Variants in AGTPBP1 observed in about 807,000 individuals in gnomAD.
AGTPBP1 encodes the protein ATP/GTP binding carboxypeptidase 1.
AGTPBP1 carries 70 observed loss-of-function variants against 143.9 expected under a neutral mutation model. The observed-to-expected ratio is 0.49, with a 90% confidence interval of 0.40 to 0.59. The LOEUF is 0.59. Among genes scored for constraint, AGTPBP1 ranks in the 20% least tolerant of loss-of-function variants. The pLI, the probability that AGTPBP1 is intolerant of heterozygous loss-of-function variation, is 0.00. For synonymous variants in AGTPBP1, 463 were observed against 500.2 expected (o/e 0.93, Z 0.99); for missense variants, 1,229 against 1,464.5 (o/e 0.84, Z 2.62).
the AGTPBP1 span, among the ~76,000 whole-genome samples, chr9:85,765,678 T>C: frequency 5.3e-5 from 8 of 152,140 alleles, no homozygotes. Context: ...CAAATATTTA[T>C]TGTTGGTGTC....
chr9:85,592,695 G>T lies in AGTPBP1; in HGVS notation c.2433C>A (p.Phe811Leu), dbSNP rs201862545. ...GTDICYYKNH[F>L]SRSSVAAGGQ... ...CACCTGCAGCAACTGAACTTCTTGA[G>T]AAATGATTTCTGCAATAAAAACGCA... is the stretch of plus-strand genomic sequence containing the variant. Residue 811 changes from phenylalanine (F) to leucine (L), a missense_variant, in exon 19 of 26, where the codon TTC becomes TTA. Coordinates refer to ENST00000357081, the MANE Select transcript of AGTPBP1 (RefSeq NM_001330701.2). 1.8e-4 allele frequency: 284 copies of T among 1,610,110 alleles called. 1 individual carries two copies. The highest frequency in any genetic ancestry group is 2.2e-4 in the Non-Finnish European group (262 of 1,178,600).
At chr9:85,733,307 T>C (rs1159826963) in intron 1 of AGTPBP1, among the ~76,000 whole-genome samples, 1 of 152,194 alleles carries the variant, frequency 6.6e-6, no homozygotes, top group Non-Finnish European at 1.5e-5. Context: ...AGGATTAAGT[T>C]AGAAATCAAT....
chr9:85,578,602 G>A (rs1290561047), intron 24 of AGTPBP1, among the ~76,000 whole-genome samples: 2 of 151,852 alleles, frequency 1.3e-5, no homozygotes, highest in Non-Finnish European at 2.9e-5. Context: ...AATTTTTAAG[G>A]TATCACTTAC....
At chr9:85,625,899 G>GT (rs1332792274) in intron 14 of AGTPBP1, among the ~76,000 whole-genome samples, 24 of 66,314 alleles carry the variant, frequency 3.6e-4, no homozygotes, top group African/African-American at 9.0e-4. Context: ...AAAAAACCTA[G>GT]TTTTGTTTTT....
chr9:85,582,357 A>C (rs1419451334), intron 23 of AGTPBP1, among the ~76,000 whole-genome samples: 1 of 152,066 alleles, frequency 6.6e-6, no homozygotes, highest in African/African-American at 2.4e-5. Context: ...GACACTTTTG[A>C]AGAGTATTGA....
chr9:85,590,187 G>C (rs529411409), intron 19 of AGTPBP1, among the ~76,000 whole-genome samples: 1 of 151,810 alleles, frequency 6.6e-6, no homozygotes, highest in African/African-American at 2.4e-5. Context: ...TAAAATGTCT[G>C]AAAGACAGCA....
At chr9:85,745,943 T>C (rs1824574780), upstream of AGTPBP1, among the ~76,000 whole-genome samples, 1 of 152,198 alleles carries the variant, frequency 6.6e-6, no homozygotes, top group Non-Finnish European at 1.5e-5. Context: ...TCTGGGAGCT[T>C]GCACTGGTGA....
intron 1 of AGTPBP1, among the ~76,000 whole-genome samples, chr9:85,727,347 C>T (rs1373238997): frequency 1.3e-5 from 2 of 152,134 alleles, no homozygotes; most frequent in South Asian, 2.1e-4. Flanking sequence ...AAGCAAACCC[C>T]ACTTCACAAC....
intron 25 of AGTPBP1, among the ~76,000 whole-genome samples, chr9:85,556,015 A>G (rs1338806129): frequency 4.6e-5 from 7 of 152,194 alleles, no homozygotes; most frequent in Admixed American, 4.6e-4. Flanking sequence ...AAGGATCAGA[A>G]AAAAATAACT....
intron 11 of AGTPBP1, among the ~76,000 whole-genome samples, chr9:85,654,254 C>T (rs1312536922): frequency 6.6e-6 from 1 of 152,056 alleles, no homozygotes; most frequent in East Asian, 1.9e-4. Context: ...CTCTTTTTCA[C>T]TTTGGTAGAT....
At chr9:85,686,431 T>C (rs1378100435) in intron 3 of AGTPBP1, among the ~76,000 whole-genome samples, 7 of 152,098 alleles carry the variant, frequency 4.6e-5, no homozygotes. Context: ...ATGCACTTGA[T>C]TATCTTCACC....
intron 11 of AGTPBP1, among the ~76,000 whole-genome samples, chr9:85,652,840 T>C (rs1037792569): frequency 3.3e-5 from 5 of 152,198 alleles, no homozygotes; most frequent in African/African-American, 1.2e-4. Context: ...TTATCTGAAG[T>C]GGTAGCAGTC....
chr9:85,677,505 T>C lies in AGTPBP1; in HGVS notation c.367A>G (p.Lys123Glu), dbSNP rs1177161784. ...ILLQLLMNAS[K>E]ESPPHEDLMV... ...AAGTCCTCATGTGGGGGAGATTCTT[T>C]GCTGGCATTCATAAGTAACTGCAAC... The change falls in exon 6 of 26, where the codon AAA becomes GAA. Residue 123 changes from lysine (K) to glutamate (E), a missense_variant. This residue lies in a region of AGTPBP1 where 743 missense variants were observed against 812.2 expected (regional missense o/e 0.91). Coordinates refer to ENST00000357081, the MANE Select transcript of AGTPBP1 (RefSeq NM_001330701.2). 3 of 1,605,124 alleles carry C rather than the reference T, an allele frequency of 1.9e-6. No individual in the cohort carries two copies. Among genetic ancestry groups the C allele is most frequent in the African/African-American group, 2.7e-5 (2 of 74,386 alleles).
chr9:85,602,560 T>C (rs1200067838), intron 17 of AGTPBP1, among the ~76,000 whole-genome samples: 1 of 152,140 alleles, frequency 6.6e-6, no homozygotes, highest in Non-Finnish European at 1.5e-5. Flanking sequence ...AAAGAGAAGA[T>C]GTGAGGGAAA....
At chr9:85,725,825 C>T (rs1457867578) in intron 1 of AGTPBP1, among the ~76,000 whole-genome samples, 2 of 151,980 alleles carry the variant, frequency 1.3e-5, no homozygotes, top group Non-Finnish European at 2.9e-5. Context: ...GCGGGCGAAT[C>T]ACCTGAAGTC....
At position 85,572,002 on chromosome 9, in the gene AGTPBP1, GTGTTTTTTTTTTTTTTTTTTTT is replaced by G. The variant is rs1390905422; in HGVS notation, c.3503+3291_3503+3312del. On this transcript the variant is annotated intron_variant, in intron 25 of 25. Transcript: ENST00000357081. ...ATTGGCCATTATTAGTTGTTTGTGT[GTGTTTTTTTTTTTTTTTTTTTT>G]TTTTTTTTTTTTTTTTTTTTGAGGC... is the stretch of plus-strand genomic sequence containing the variant. Among the ~76,000 whole-genome samples, 207 of 85,294 alleles carry G rather than the reference GTGTTTTTTTTTTTTTTTTTTTT, an allele frequency of 2.4e-3. 11 individuals carry two copies. Among genetic ancestry groups the G allele is most frequent in the East Asian group, 0.017 (58 of 3,350 alleles). 56.0% of individuals were successfully genotyped at this position (85,294 alleles called of 152,430 possible). A position where few individuals can be genotyped will look rare whatever the true frequency, so the allele number is the denominator to read the frequency against.
At chr9:85,742,346 GC>G (rs2134886076), upstream of AGTPBP1, among the ~76,000 whole-genome samples, 1 of 151,994 alleles carries the variant, frequency 6.6e-6, no homozygotes, top group East Asian at 2.0e-4. Flanking sequence ...CCGGAACTAA[GC>G]CCGCGCCCAC....
chr9:85,711,693 A>T (rs559417672), intron 2 of AGTPBP1, among the ~76,000 whole-genome samples: 1 of 151,330 alleles, frequency 6.6e-6, no homozygotes, highest in Non-Finnish European at 1.5e-5. Context: ...ACCCGCCTCG[A>T]CCTCCCAAAG....
At chr9:85,742,544 C>T (rs2134888792), upstream of AGTPBP1, among the ~76,000 whole-genome samples, 1 of 152,256 alleles carries the variant, frequency 6.6e-6, no homozygotes, top group African/African-American at 2.4e-5. Flanking sequence ...CAGAAAACAA[C>T]AGGATTGCAC....
Sources: allele counts gnomAD v4.1 joint callset (sites outside exome capture counted in the v4.1 genomes callset), GRCh38; gene constraint gnomAD v4.1.1; regional missense constraint gnomAD v4.1.1; transcripts MANE v1.5; gene names NCBI Gene and HGNC (gene_info 2026-07-23, HGNC 2026-07-21).